MAP2: variants seen among roughly 807,000 people sequenced by gnomAD.
MAP2 encodes microtubule-associated protein 2.
In MAP2, 14 loss-of-function variants were observed where a neutral mutation model predicts 137.6. The ratio of observed to expected loss-of-function variants is 0.10; its 90% CI spans 0.07 to 0.16. MAP2 has a LOEUF of 0.16. Ranked by LOEUF, MAP2 falls within the 10% of genes least tolerant of loss-of-function variation. MAP2 has a pLI of 1.00. For synonymous variants in MAP2, 786 were observed against 782.3 expected, an observed-to-expected ratio of 1.00 and a Z score of -0.08; for missense variants, 2,088 against 2,191.5, an observed-to-expected ratio of 0.95 and a Z score of 0.94.
At chr2:209,462,788 A>T (rs1703144900) in intron 1 of MAP2, among the ~76,000 whole-genome samples, 1 of 152,194 alleles carries the variant, frequency 6.6e-6, no homozygotes, top group Non-Finnish European at 1.5e-5. Context: ...TATGTCTTTG[A>T]TGCTTGGGTT....
chr2:209,580,795 C>T (rs1309049477), intron 3 of MAP2, among the ~76,000 whole-genome samples: 4 of 152,182 alleles, frequency 2.6e-5, no homozygotes, highest in Non-Finnish European at 4.4e-5. Context: ...TGAAATTCAG[C>T]ATCAGGATAT....
intron 2 of MAP2, among the ~76,000 whole-genome samples, chr2:209,544,969 A>G (rs2067758405): frequency 6.6e-6 from 1 of 152,218 alleles, no homozygotes; most frequent in Admixed American, 6.5e-5. Context: ...TCATTAAACT[A>G]TATACCAGAA....
At chr2:209,547,862 C>A (rs958494944) in intron 2 of MAP2, among the ~76,000 whole-genome samples, 1 of 152,066 alleles carries the variant, frequency 6.6e-6, no homozygotes, top group Non-Finnish European at 1.5e-5. Flanking sequence ...CATGAATGTG[C>A]TTGAAGGCTG....
intron 2 of MAP2, among the ~76,000 whole-genome samples, chr2:209,512,463 G>A (rs1385203355): frequency 4.7e-5 from 7 of 150,154 alleles, no homozygotes; most frequent in Non-Finnish European, 7.4e-5. Flanking sequence ...AAATTCTGAC[G>A]CTTCTCTTAA....
At chr2:209,546,873 G>C (rs186924002) in intron 2 of MAP2, among the ~76,000 whole-genome samples, 16 of 152,176 alleles carry the variant, frequency 1.1e-4, no homozygotes, top group African/African-American at 3.9e-4. Context: ...AGTAAAACAA[G>C]AAGATCAACA....
At chr2:209,446,772 T>A (rs540424685) in intron 1 of MAP2, among the ~76,000 whole-genome samples, 2 of 151,986 alleles carry the variant, frequency 1.3e-5, no homozygotes, top group East Asian at 3.9e-4. Flanking sequence ...TAGGACGGTG[T>A]AAAGTAGAAG....
At chr2:209,456,794 A>G (rs1466895560) in intron 1 of MAP2, among the ~76,000 whole-genome samples, 1 of 152,240 alleles carries the variant, frequency 6.6e-6, no homozygotes, top group Non-Finnish European at 1.5e-5. Context: ...CATATGAAAC[A>G]CTTAGCTCAC....
At chr2:209,587,692 TA>T (rs2153422472) in intron 3 of MAP2, among the ~76,000 whole-genome samples, 1 of 152,176 alleles carries the variant, frequency 6.6e-6, no homozygotes, top group East Asian at 1.9e-4. Context: ...ATCAAATAAA[TA>T]TAACATACCC....
intron 12 of MAP2, among the ~76,000 whole-genome samples, chr2:209,709,571 AAAC>A (rs1218486870): frequency 6.6e-6 from 1 of 152,184 alleles, no homozygotes; most frequent in Non-Finnish European, 1.5e-5. Flanking sequence ...CACTAAGTGT[AAAC>A]TCTTTCCAAC....
At chr2:209,669,800 C>A (rs1166353064) in intron 5 of MAP2, among the ~76,000 whole-genome samples, 1 of 151,936 alleles carries the variant, frequency 6.6e-6, no homozygotes, top group Non-Finnish European at 1.5e-5. Flanking sequence ...CGCACACACA[C>A]ACACACAAAA....
Position 209,593,637 on chromosome 2 carries a change from ATATAT to A in MAP2, c.-107+13538_-107+13542del, listed in dbSNP as rs1559371101. 2.5e-3 allele frequency among the ~76,000 whole-genome samples: 78 copies of A among 31,832 alleles called. 9 individuals carry two copies. The highest frequency in any genetic ancestry group is 8.4e-3 in the African/African-American group (57 of 6,810). 20.9% of individuals were successfully genotyped at this position (31,832 alleles called of 152,430 possible). ...GTCTCTACAAAAAAAAAAAAAAAATATATATATATATATATATATATATATATATA... is the reference window on the plus strand; with the variant it reads ...GTCTCTACAAAAAAAAAAAAAAAATAATATATATATATATATATATATATA... On this transcript the variant is annotated intron_variant, in intron 3 of 15. Transcript: ENST00000682079.
At chr2:209,718,210 T>C (rs1316501273) in intron 13 of MAP2, among the ~76,000 whole-genome samples, 1 of 152,094 alleles carries the variant, frequency 6.6e-6, no homozygotes, top group African/African-American at 2.4e-5. Flanking sequence ...AAATTACCAC[T>C]TTGGGTTTGC....
Position 209,693,001 on chromosome 2 carries a change from G to A in MAP2, c.831G>A (p.Glu277=). Residue 277 remains glutamate (E), a synonymous_variant, in exon 8 of 16, where the codon GAG becomes GAA. Transcript: ENST00000682079. ...TGCCAACGGAAGCAAAAAAGGATGAGTGGGGTTTAGTTGCCCCCATATCTC... is the reference window on the plus strand; with the variant it reads ...TGCCAACGGAAGCAAAAAAGGATGAATGGGGTTTAGTTGCCCCCATATCTC... The part of the protein sequence containing the change: ...IEMPTEAKKD[E]WGLVAPISPG... 2.5e-6 allele frequency: 4 copies of A among 1,613,392 alleles called. No homozygotes were observed. The highest frequency in any genetic ancestry group is 3.4e-6 in the Non-Finnish European group (4 of 1,179,806).
chr2:209,451,491 G>A (rs531096566), intron 1 of MAP2, among the ~76,000 whole-genome samples: 3 of 152,266 alleles, frequency 2.0e-5, no homozygotes, highest in African/African-American at 4.8e-5. Context: ...TAGCTGTGGT[G>A]GGGTCTGTTT....
At chr2:209,466,039 T>C (rs1704051394) in intron 1 of MAP2, among the ~76,000 whole-genome samples, 1 of 152,186 alleles carries the variant, frequency 6.6e-6, no homozygotes, top group Admixed American at 6.5e-5. Context: ...TGTCATTGAA[T>C]GTATGACTTC....
chr2:209,496,593 A>G lies in MAP2; in HGVS notation c.-221-10999A>G, dbSNP rs114803681. 6.6e-3 allele frequency among the ~76,000 whole-genome samples: 1,000 copies of G among 152,226 alleles called. 1 individual carries two copies. The highest frequency in any genetic ancestry group is 0.012 in the Non-Finnish European group (804 of 68,018). ...CCATGAATAGGTCAGTTGCCTGATGAATACCTTTCCTTTATTATCCTGCCA... is the reference window on the plus strand; with the variant it reads ...CCATGAATAGGTCAGTTGCCTGATGGATACCTTTCCTTTATTATCCTGCCA... On this transcript the variant is annotated intron_variant, in intron 1 of 15. Coordinates refer to ENST00000682079, the MANE Select transcript of MAP2 (RefSeq NM_001375505.1).
At position 209,704,486 on chromosome 2, in the gene MAP2, A is replaced by G. The variant is rs2062768256; in HGVS notation, c.4585-1094A>G. Reference sequence around the variant, plus strand: ...GTCAAAGATTCCTGCTTTACAGGGTAGCACAAAGTCCCCAAGATACAGCTC... The same window carrying G: ...GTCAAAGATTCCTGCTTTACAGGGTGGCACAAAGTCCCCAAGATACAGCTC... On this transcript the variant is annotated intron_variant, in intron 11 of 15. Coordinates refer to ENST00000682079, the MANE Select transcript of MAP2 (RefSeq NM_001375505.1). The G allele has an allele frequency of 3.1e-6, 5 of 1,612,246 alleles. No homozygotes were observed. In the East Asian group the frequency reaches 1.1e-4, roughly 36 times the overall value.
At chr2:209,503,086 A>G (rs1308073326) in intron 1 of MAP2, among the ~76,000 whole-genome samples, 2 of 150,118 alleles carry the variant, frequency 1.3e-5, no homozygotes, top group African/African-American at 2.5e-5. Context: ...TGCAGCCTCA[A>G]TTTCCTGGGC....
At chr2:209,622,406 A>G (rs541844182) in intron 3 of MAP2, among the ~76,000 whole-genome samples, 1 of 152,294 alleles carries the variant, frequency 6.6e-6, no homozygotes, top group African/African-American at 2.4e-5. Context: ...GGCACTTTCT[A>G]GCCTTGTGAT....
Sources: gnomAD v4.1 joint callset for allele counts (sites outside exome capture counted in the v4.1 genomes callset) on GRCh38, gnomAD v4.1.1 for gene constraint, MANE v1.5 for transcripts, NCBI Gene and HGNC (gene_info 2026-07-23, HGNC 2026-07-21) for gene names.